The following ZFHX3 variants were observed in gnomAD, a reference collection of about 807,000 sequenced individuals.
ZFHX3 encodes zinc finger homeobox protein 3.
ZFHX3 carries 42 observed loss-of-function variants against 279.1 expected under a neutral mutation model. The observed-to-expected ratio is 0.15, with a 90% CI of 0.12 to 0.19. The LOEUF (loss-of-function observed/expected upper bound fraction) is 0.19, where lower values mean the gene tolerates loss of function less well. Ranked by LOEUF, ZFHX3 falls within the 10% of genes least tolerant of loss-of-function variation. ZFHX3 has a pLI of 1.00. For missense variants in ZFHX3, 4,981 were observed against 4,754.0 expected (o/e 1.05, Z -1.40); for synonymous variants, 2,293 against 1,957.8 (o/e 1.17, Z -4.52).
intron 5 of ZFHX3, among the ~76,000 whole-genome samples, chr16:73,235,046 A>T (rs958038138): frequency 1.3e-5 from 2 of 152,210 alleles, no homozygotes; most frequent in African/African-American, 4.8e-5. Context: ...AAGCTGGGAA[A>T]TGTTTACTTA....
At chr16:73,104,183 C>T (rs915439463) in intron 7 of ZFHX3, among the ~76,000 whole-genome samples, 13 of 151,560 alleles carry the variant, frequency 8.6e-5, no homozygotes, top group Non-Finnish European at 1.8e-4. Context: ...TTAATCTCCA[C>T]GTTTTGGAAT....
chr16:73,533,104 C>A (rs373760226), intron 2 of ZFHX3, among the ~76,000 whole-genome samples: 1 of 152,082 alleles, frequency 6.6e-6, no homozygotes, highest in Non-Finnish European at 1.5e-5. Context: ...GTTACGCTGC[C>A]AGGCCATCAG....
intron 3 of ZFHX3, among the ~76,000 whole-genome samples, chr16:73,455,003 A>G (rs981252872): frequency 1.1e-4 from 17 of 152,188 alleles, no homozygotes; most frequent in Non-Finnish European, 2.2e-4. Context: ...TGCCAAGAAC[A>G]TGCTACTTAT....
rs58709225 is a variant in ZFHX3 at position 73,439,421 on chromosome 16, G to T, written c.-1291+16582C>A. On this transcript the variant is annotated intron_variant, in intron 3 of 17. Coordinates refer to the ZFHX3 transcript ENST00000641206. ...ATCTTGAGATGAAGTGCGCGTTTAG[G>T]AATCACGGACATGGAATCCTCCAGC... is the stretch of plus-strand genomic sequence containing the variant. Among the ~76,000 whole-genome samples the T allele has an allele frequency of 8.9e-4, 136 of 152,076 alleles. 1 individual carries two copies. Among genetic ancestry groups the T allele is most frequent in the African/African-American group, 3.0e-3 (125 of 41,536 alleles).
intron 3 of ZFHX3, among the ~76,000 whole-genome samples, chr16:73,390,654 A>C (rs1250635597): frequency 1.3e-5 from 2 of 152,206 alleles, no homozygotes; most frequent in Non-Finnish European, 2.9e-5. Context: ...AATCGGTATT[A>C]GTGGCTTAAG....
At chr16:73,066,997 G>C (rs970482541) in intron 8 of ZFHX3, among the ~76,000 whole-genome samples, 2 of 152,020 alleles carry the variant, frequency 1.3e-5, no homozygotes, top group African/African-American at 4.8e-5. Flanking sequence ...GAGGGAAGGC[G>C]CCTCTGCACC....
chr16:73,757,808 A>AC (rs2053826026), intron 1 of ZFHX3, among the ~76,000 whole-genome samples: 1 of 152,154 alleles, frequency 6.6e-6, no homozygotes, highest in African/African-American at 2.4e-5. Context: ...GGATGTGACA[A>AC]CCTTTATCCG....
Position 73,596,477 on chromosome 16 carries a change from T to C in ZFHX3, c.-1547+83703A>G, listed in dbSNP as rs185992898. 7.4e-3 allele frequency among the ~76,000 whole-genome samples: 1,123 copies of C among 152,250 alleles called. 22 individuals are homozygous for C. Among genetic ancestry groups the C allele is most frequent in the African/African-American group, 0.026 (1,075 of 41,548 alleles). ...TCTTCCTGCACCTCTAGCCTCACTG[T>C]GCTGGTCATCCCCACCCACCACTCT... On this transcript the variant is annotated intron_variant, in intron 2 of 17. Transcript: ENST00000641206.
At chr16:72,838,367 C>A (rs2037253716) in intron 4 of ZFHX3, among the ~76,000 whole-genome samples, 1 of 152,172 alleles carries the variant, frequency 6.6e-6, no homozygotes, top group African/African-American at 2.4e-5. Context: ...CGTGTTCGGC[C>A]CCTGCTGGGC....
At chr16:73,564,643 T>A (rs1326176589) in intron 2 of ZFHX3, among the ~76,000 whole-genome samples, 1 of 152,190 alleles carries the variant, frequency 6.6e-6, no homozygotes, top group Admixed American at 6.5e-5. Flanking sequence ...CCCTGTATTC[T>A]ATAATCAGGC....
chr16:73,057,298 T>C (rs1965576847), intron 1 of ZFHX3, among the ~76,000 whole-genome samples: 1 of 152,232 alleles, frequency 6.6e-6, no homozygotes, highest in South Asian at 2.1e-4. Context: ...CGCAAAGTGA[T>C]ATATACATAT....
chr16:73,847,327 A>C (rs1352349584), intron 1 of ZFHX3, among the ~76,000 whole-genome samples: 2 of 152,148 alleles, frequency 1.3e-5, no homozygotes. Context: ...TAAGGATGAC[A>C]CTGCTTCCTG....
intron 5 of ZFHX3, among the ~76,000 whole-genome samples, chr16:73,180,586 G>T (rs1402775815): frequency 6.6e-6 from 1 of 152,080 alleles, no homozygotes; most frequent in East Asian, 1.9e-4. Context: ...TGCTCATGTT[G>T]GTGTTCCCAG....
At position 72,798,156 on chromosome 16, in the gene ZFHX3, T is replaced by C. The variant is rs1481979268; in HGVS notation, c.4526A>G (p.Asp1509Gly). Reference sequence around the variant, plus strand: ...CGAGTCTTCTTGTACTGACCCAGAGTCACTGCCCGTTGGGCTCTGTTTATC... The same window carrying C: ...CGAGTCTTCTTGTACTGACCCAGAGCCACTGCCCGTTGGGCTCTGTTTATC... The part of the protein sequence containing the change: ...LEDKQSPTGS[D>G]SGSVQEDSGS... The change falls in exon 9 of 10, where the codon GAC becomes GGC. Residue 1509 changes from aspartate (D) to glycine (G), a missense_variant. Coordinates refer to ENST00000268489, the MANE Select transcript of ZFHX3 (RefSeq NM_006885.4). 1 of 1,614,000 alleles carries C rather than the reference T, an allele frequency of 6.2e-7. No individual in the cohort carries two copies. The highest frequency in any genetic ancestry group is 1.3e-5 in the African/African-American group (1 of 74,900).
chr16:73,545,098 G>T (rs1288209729), intron 2 of ZFHX3, among the ~76,000 whole-genome samples: 2 of 152,056 alleles, frequency 1.3e-5, no homozygotes, highest in African/African-American at 4.8e-5. Flanking sequence ...ATTTGCTCTG[G>T]TTCAGTCTCC....
At chr16:72,862,521 C>G (rs1019919705) in intron 4 of ZFHX3, among the ~76,000 whole-genome samples, 3 of 152,192 alleles carry the variant, frequency 2.0e-5, no homozygotes, top group Non-Finnish European at 4.4e-5. Context: ...CATCATTTTG[C>G]CAGCTCCAAA....
intron 2 of ZFHX3, among the ~76,000 whole-genome samples, chr16:73,564,150 T>C (rs1409346214): frequency 2.0e-5 from 3 of 152,310 alleles, no homozygotes; most frequent in Non-Finnish European, 1.5e-5. Flanking sequence ...AGTCTCCATC[T>C]AGATGTGTAG....
Position 73,104,305 on chromosome 16 carries a change from G to C in ZFHX3, c.-896-10707C>G, listed in dbSNP as rs183916821. Among the ~76,000 whole-genome samples the C allele has an allele frequency of 1.2e-4, 19 of 152,064 alleles. No homozygotes were observed. In the East Asian group the frequency reaches 3.7e-3, roughly 29 times the overall value. Reference sequence around the variant, plus strand: ...GAGTGCAGTAGCGCGATCTTAGTTCGATGCAACCTCCACCTCCTGGGCTCA... The same window carrying C: ...GAGTGCAGTAGCGCGATCTTAGTTCCATGCAACCTCCACCTCCTGGGCTCA... On this transcript the variant is annotated intron_variant, in intron 7 of 17. Coordinates refer to the ZFHX3 transcript ENST00000641206.
chr16:73,335,267 G>T (rs544463614), intron 3 of ZFHX3, among the ~76,000 whole-genome samples: 1 of 152,192 alleles, frequency 6.6e-6, no homozygotes, highest in East Asian at 1.9e-4. Flanking sequence ...ATGAAGACAG[G>T]TTTATTTTCC....
Sources: gnomAD v4.1 joint callset for allele counts (sites outside exome capture counted in the v4.1 genomes callset) on GRCh38, gnomAD v4.1.1 for gene constraint, MANE v1.5 for transcripts, NCBI Gene and HGNC (gene_info 2026-07-23, HGNC 2026-07-21) for gene names.